Variants in TSEN15 observed in about 807,000 individuals in gnomAD.
TSEN15 encodes the protein tRNA-splicing endonuclease subunit Sen15.
TSEN15 carries 10 observed loss-of-function variants against 20.5 expected under a neutral mutation model. The observed-to-expected ratio is 0.49, with a 90% CI of 0.30 to 0.83. The LOEUF (loss-of-function observed/expected upper bound fraction) is 0.83, where lower values mean the gene tolerates loss of function less well. Among genes scored for constraint, TSEN15 ranks in the 40% least tolerant of loss-of-function variants. The pLI, the probability that TSEN15 is intolerant of heterozygous loss-of-function variation, is 0.06. For missense variants in TSEN15, 180 were observed against 218.6 expected, an observed-to-expected ratio of 0.82 and a Z score of 1.11; for synonymous variants, 72 against 80.1, an observed-to-expected ratio of 0.90 and a Z score of 0.54.
exon 4 of TSEN15, chr1:184,095,980 A>C (rs1206040505): frequency 2.7e-6 from 1 of 372,336 alleles, no homozygotes; most frequent in African/African-American, 2.1e-5. Context: ...TGGCACTATC[A>C]ATAATTGCCA....
intron 3 of TSEN15, among the ~76,000 whole-genome samples, chr1:184,089,537 TGGA>T (rs1459219334): frequency 2.0e-5 from 3 of 152,102 alleles, no homozygotes; most frequent in African/African-American, 7.2e-5. Flanking sequence ...CTATCGGAGA[TGGA>T]GGAGAAGAGT....
At chr1:184,074,595 A>G (rs1471094453), downstream of TSEN15, among the ~76,000 whole-genome samples, 2 of 152,186 alleles carry the variant, frequency 1.3e-5, no homozygotes, top group Admixed American at 1.3e-4. Context: ...TATAATCCTT[A>G]TATAATGTAA....
chr1:184,095,171 A>G, intron 3 of TSEN15: 1 of 398,088 alleles, frequency 2.5e-6, no homozygotes, highest in East Asian at 3.6e-5. Context: ...CAGAGTGCCC[A>G]TGGGTTCAGT....
At chr1:184,085,615 G>A (rs969516761) in intron 3 of TSEN15, among the ~76,000 whole-genome samples, 3 of 152,204 alleles carry the variant, frequency 2.0e-5, no homozygotes, top group African/African-American at 7.2e-5. Context: ...AGACCAGAAT[G>A]CAGTGAGGGT....
intron 3 of TSEN15, among the ~76,000 whole-genome samples, chr1:184,064,652 A>C (rs997618481): frequency 6.6e-6 from 1 of 152,216 alleles, no homozygotes; most frequent in African/African-American, 2.4e-5. Flanking sequence ...TTAAATCAAG[A>C]GTTTTGCCAC....
chr1:184,094,065 A>T (rs926887318), intron 3 of TSEN15: 1 of 152,082 alleles, frequency 6.6e-6, no homozygotes, highest in Non-Finnish European at 1.5e-5. Flanking sequence ...GGGATCTATG[A>T]TATACCCTCA....
chr1:184,089,813 C>T (rs1255118984), intron 3 of TSEN15, among the ~76,000 whole-genome samples: 1 of 151,934 alleles, frequency 6.6e-6, no homozygotes, highest in Admixed American at 6.6e-5. Flanking sequence ...ATGTGCATTT[C>T]CCTTGGATGT....
chr1:184,063,544 A>G (rs1572708157), intron 3 of TSEN15, among the ~76,000 whole-genome samples: 1 of 152,152 alleles, frequency 6.6e-6, no homozygotes, highest in East Asian at 1.9e-4. Flanking sequence ...ATCATATCCT[A>G]TTTCCCTCAA....
chr1:184,081,771 T>C (rs750487806), intron 3 of TSEN15, among the ~76,000 whole-genome samples: 1 of 152,104 alleles, frequency 6.6e-6, no homozygotes, highest in South Asian at 2.1e-4. Context: ...TACCACCAGG[T>C]TGGGAAACAG....
intron 3 of TSEN15, among the ~76,000 whole-genome samples, chr1:184,088,798 A>G (rs1382872883): frequency 6.6e-6 from 1 of 152,136 alleles, no homozygotes; most frequent in African/African-American, 2.4e-5. Context: ...CTAAGACCCT[A>G]TTTGTTGACT....
rs146745937 is a variant in TSEN15, at chr1:184,072,352, G to A, written c.495+54G>A. 2,204 of 1,502,360 alleles carry A rather than the reference G, an allele frequency of 1.5e-3. 12 individuals are homozygous for A. Among genetic ancestry groups the A allele is most frequent in the African/African-American group, 7.2e-3 (512 of 70,666 alleles). The allele number at this position is 1,502,360 out of a possible 1,614,324, so 93.1% of individuals were successfully genotyped here. On this transcript the variant is annotated intron_variant, in intron 4 of 4. Coordinates refer to ENST00000645668, the MANE Select transcript of TSEN15 (RefSeq NM_052965.4). ...AGTACAAAAAGAGGAAAATTATGAC[G>A]TGATTTTAAGTGTGACTCAAGTCAG...
chr1:184,058,332 C>A, intron 3 of TSEN15: 1 of 255,486 alleles, frequency 3.9e-6, no homozygotes, highest in South Asian at 4.5e-5. Flanking sequence ...CTATATTATA[C>A]AGTAGAATAC....
In TSEN15 at chr1:184,054,838, A is replaced by G. The variant is rs1405702689; in HGVS notation, c.328A>G (p.Ile110Val). Reference protein sequence around the residue: ...EGLQTVVPTPITASLSHNRIR... With the variant: ...EGLQTVVPTPVTASLSHNRIR... ...GTTACAGACTGTGGTGCCTACCCCC[A>G]TCACTGCTTCCCTCAGCCATAACAG... Residue 110 changes from isoleucine to valine, a missense_variant, in exon 3 of 5, where the codon ATC (isoleucine) becomes GTC (valine). Ile to Val is a conservative substitution (Grantham distance 29). This residue lies in a region of TSEN15 where 76 missense variants were observed against 123.4 expected (regional missense o/e 0.62). Transcript: ENST00000645668. The G allele has an allele frequency of 1.2e-6, 2 of 1,611,386 alleles. No homozygotes were observed. Among genetic ancestry groups the G allele is most frequent in the East Asian group, 2.2e-5 (1 of 44,868 alleles).
chr1:184,088,736 C>CTGTT (rs541537106), intron 3 of TSEN15, among the ~76,000 whole-genome samples: 6 of 129,406 alleles, frequency 4.6e-5, no homozygotes, highest in African/African-American at 1.4e-4. Context: ...GGGTTGTTTT[C>CTGTT]TGTTTGTTTG....
intron 1 of TSEN15, among the ~76,000 whole-genome samples, chr1:184,054,134 A>G (rs1475129165): frequency 6.6e-6 from 1 of 152,178 alleles, no homozygotes; most frequent in African/African-American, 2.4e-5. Flanking sequence ...TTAATCACTT[A>G]CAGTCATATA....
chr1:184,092,774 G>A (rs1032617753), intron 3 of TSEN15, among the ~76,000 whole-genome samples: 1 of 152,154 alleles, frequency 6.6e-6, no homozygotes, highest in African/African-American at 2.4e-5. Context: ...ACTTGTATGG[G>A]TTCCCTACTG....
chr1:184,055,047 T>C (rs1650197668), intron 3 of TSEN15, 184 bp downstream of exon 3: 5 of 568,512 alleles, frequency 8.8e-6, no homozygotes, highest in South Asian at 7.3e-5. Flanking sequence ...TATAAAGAAA[T>C]ACCTGAGACT....
intron 3 of TSEN15, among the ~76,000 whole-genome samples, chr1:184,081,531 G>A (rs890793145): frequency 4.6e-5 from 7 of 152,184 alleles, no homozygotes; most frequent in Admixed American, 1.3e-4. Context: ...GTGCAAATCT[G>A]TCATGTTCCT....
At chr1:184,063,125 T>C (rs1288754619) in intron 3 of TSEN15, among the ~76,000 whole-genome samples, 3 of 152,112 alleles carry the variant, frequency 2.0e-5, no homozygotes, top group Non-Finnish European at 4.4e-5. Context: ...ACCATTTTGT[T>C]CCCCTAGGAC....
Sources: allele counts gnomAD v4.1 joint callset (sites outside exome capture counted in the v4.1 genomes callset), GRCh38; gene constraint gnomAD v4.1.1; regional missense constraint gnomAD v4.1.1; transcripts MANE v1.5; gene names NCBI Gene and HGNC (gene_info 2026-07-23, HGNC 2026-07-21).